The following KHDRBS3 variants were observed in gnomAD, a reference collection of about 807,000 sequenced individuals.
KHDRBS3 encodes KH domain-containing, RNA-binding, signal transduction-associated protein 3.
Under a neutral mutation model 45.6 loss-of-function variants are expected in KHDRBS3, and 23 were observed. The ratio of observed to expected loss-of-function variants is 0.50; its 90% confidence interval spans 0.36 to 0.72. KHDRBS3 has a LOEUF of 0.72. Among genes scored for constraint, KHDRBS3 ranks in the 30% least tolerant of loss-of-function variants. The pLI, the probability that KHDRBS3 is intolerant of heterozygous loss-of-function variation, is 0.00. For synonymous variants in KHDRBS3, 162 were observed against 156.5 expected, an observed-to-expected ratio of 1.04 and a Z score of -0.26; for missense variants, 352 against 424.8, an observed-to-expected ratio of 0.83 and a Z score of 1.51.
At chr8:135,574,662 CACTA>C (rs1475759637) in intron 5 of KHDRBS3, among the ~76,000 whole-genome samples, 1 of 152,186 alleles carries the variant, frequency 6.6e-6, no homozygotes, top group Non-Finnish European at 1.5e-5. Flanking sequence ...TTTAAATATA[CACTA>C]ACTAATGAAA....
intron 8 of KHDRBS3, 152 bp downstream of exon 8, chr8:135,645,269 C>T (rs770609734): frequency 3.2e-6 from 2 of 619,454 alleles, no homozygotes; most frequent in Non-Finnish European, 5.4e-6. Flanking sequence ...ATTTTTAGGG[C>T]TCCTTTATTA....
At chr8:135,581,807 A>G (rs1049771897) in intron 5 of KHDRBS3, 71 bp from the exon 6 acceptor site, 49 of 1,164,632 alleles carry the variant, frequency 4.2e-5, no homozygotes, top group African/African-American at 3.1e-5. Context: ...TTTCTGAGGT[A>G]TAAATATATG....
rs1315070708 is a variant in KHDRBS3, at chr8:135,606,961, G to A, written c.814G>A (p.Asp272Asn). 2.5e-6 allele frequency: 4 copies of A among 1,612,074 alleles called. No homozygotes were observed. Among genetic ancestry groups the A allele is most frequent in the South Asian group, 2.2e-5 (2 of 90,910 alleles). ...TQETYGEYDY[D>N]DGYGTAYDEQ... ...TTCTCCTGTTATGTTTTAGGACTAT[G>A]ATGATGGATATGGCACTGCTTATGA... is the stretch of plus-strand genomic sequence containing the variant. Residue 272 changes from aspartate (D) to asparagine (N), a missense_variant, in exon 7 of 9, where the codon GAT becomes AAT. Physicochemically the swap from Asp to Asn is conservative, Grantham distance 23. This residue lies in a region of KHDRBS3 where 212 missense variants were observed against 209.6 expected (regional missense o/e 1.01). Transcript: ENST00000355849.
chr8:135,520,197 A>G (rs1164663908), intron 1 of KHDRBS3, among the ~76,000 whole-genome samples: 2 of 152,224 alleles, frequency 1.3e-5, no homozygotes, highest in Non-Finnish European at 2.9e-5. Flanking sequence ...AACAAGCAAA[A>G]TGGATAAATA....
chr8:135,601,104 G>C (rs746998420), intron 6 of KHDRBS3, among the ~76,000 whole-genome samples: 2 of 152,200 alleles, frequency 1.3e-5, no homozygotes, highest in African/African-American at 2.4e-5. Context: ...ACATGAACCA[G>C]CTGAGGAAAA....
At chr8:135,652,826 A>T (rs1232511629) in intron 4 of KHDRBS3, among the ~76,000 whole-genome samples, 1 of 152,134 alleles carries the variant, frequency 6.6e-6, no homozygotes, top group Non-Finnish European at 1.5e-5. Context: ...CAGATTGTAA[A>T]TATCTTTAGG....
At chr8:135,515,418 C>T (rs546893018) in intron 1 of KHDRBS3, among the ~76,000 whole-genome samples, 8 of 120,444 alleles carry the variant, frequency 6.6e-5, no homozygotes, top group African/African-American at 2.3e-4. Context: ...CCTGTGTTTG[C>T]TAAAGATGAG....
chr8:135,484,032 A>G (rs551816811), intron 1 of KHDRBS3, among the ~76,000 whole-genome samples: 2 of 152,310 alleles, frequency 1.3e-5, no homozygotes, highest in Non-Finnish European at 2.9e-5. Context: ...TACTAGCTGT[A>G]TGTCCTGGGG....
intron 5 of KHDRBS3, among the ~76,000 whole-genome samples, chr8:135,558,921 G>T (rs971550184): frequency 6.6e-6 from 1 of 152,104 alleles, no homozygotes; most frequent in East Asian, 1.9e-4. Context: ...ATTCCTTTCC[G>T]TGTCTCTTCC....
rs544141746 is a variant in KHDRBS3 at position 135,581,744 on chromosome 8, T to G, written c.612-134T>G. 1.8e-5 allele frequency: 13 copies of G among 722,650 alleles called. No individual in the cohort carries two copies. The South Asian group carries it at 3.1e-4, about 17-fold the overall frequency. The allele number at this position is 722,650 out of a possible 1,614,324, so 44.8% of individuals were successfully genotyped here. On this transcript the variant is annotated intron_variant, in intron 5 of 8. Coordinates refer to ENST00000355849, the MANE Select transcript of KHDRBS3 (RefSeq NM_006558.3). ...ACCTGTTTCATGTTTGCTTTAGTTC[T>G]TTGCTTGTGACTTCCTTCTTCCTTT...
At chr8:135,575,082 C>T (rs1446181991) in intron 5 of KHDRBS3, among the ~76,000 whole-genome samples, 1 of 152,178 alleles carries the variant, frequency 6.6e-6, no homozygotes, top group Non-Finnish European at 1.5e-5. Flanking sequence ...ACTATTTTTA[C>T]TGTACCAATT....
chr8:135,571,262 A>G (rs1827688725), intron 5 of KHDRBS3, among the ~76,000 whole-genome samples: 2 of 152,176 alleles, frequency 1.3e-5, no homozygotes, highest in African/African-American at 2.4e-5. Context: ...CTAATAAGCT[A>G]AGACAGTTTA....
intron 1 of KHDRBS3, among the ~76,000 whole-genome samples, chr8:135,477,424 G>A (rs1822347714): frequency 1.3e-5 from 2 of 152,188 alleles, no homozygotes; most frequent in Non-Finnish European, 2.9e-5. Context: ...TTGGAAAAAT[G>A]TAGAGAAACT....
At chr8:135,591,150 C>T (rs918841379) in intron 6 of KHDRBS3, among the ~76,000 whole-genome samples, 2 of 152,236 alleles carry the variant, frequency 1.3e-5, no homozygotes, top group African/African-American at 2.4e-5. Flanking sequence ...CAAAGTCACA[C>T]AGTCTATTAG....
At position 135,513,977 on chromosome 8, in the gene KHDRBS3, T is replaced by C. The variant is rs1220871771; in HGVS notation, c.89-7260T>C. ...ATGTTAGTGGAATTTATATTTTCATTTGGATTTGGACCTAGAACTGTCTCC... is the reference window on the plus strand; with the variant it reads ...ATGTTAGTGGAATTTATATTTTCATCTGGATTTGGACCTAGAACTGTCTCC... On this transcript the variant is annotated intron_variant, in intron 1 of 8. Coordinates refer to ENST00000355849, the MANE Select transcript of KHDRBS3 (RefSeq NM_006558.3). 1.3e-5 allele frequency among the ~76,000 whole-genome samples: 2 copies of C among 152,208 alleles called. 1 individual carries two copies. The highest frequency in any genetic ancestry group is 2.9e-5 in the Non-Finnish European group (2 of 68,034).
intron 6 of KHDRBS3, among the ~76,000 whole-genome samples, chr8:135,585,964 T>C (rs1828451958): frequency 1.3e-5 from 2 of 152,218 alleles, no homozygotes; most frequent in Non-Finnish European, 2.9e-5. Flanking sequence ...ATAACTTTCC[T>C]AAGTTACTGT....
intron 2 of KHDRBS3, among the ~76,000 whole-genome samples, chr8:135,536,504 T>A (rs1825763992): frequency 6.6e-6 from 1 of 152,120 alleles, no homozygotes; most frequent in Non-Finnish European, 1.5e-5. Flanking sequence ...CGTTGTATTT[T>A]AAGCAGAGGT....
chr8:135,480,091 A>G (rs1225586506), intron 1 of KHDRBS3, among the ~76,000 whole-genome samples: 1 of 151,124 alleles, frequency 6.6e-6, no homozygotes, highest in Non-Finnish European at 1.5e-5. Flanking sequence ...ATAAAGAAAA[A>G]AGCTTTTAAC....
chr8:135,516,511 CTG>C (rs932028726), intron 1 of KHDRBS3, among the ~76,000 whole-genome samples: 4 of 151,786 alleles, frequency 2.6e-5, no homozygotes, highest in Non-Finnish European at 5.9e-5. Context: ...TGATGTAAAA[CTG>C]TATATCAATA....
Sources: allele counts gnomAD v4.1 joint callset (sites outside exome capture counted in the v4.1 genomes callset), GRCh38; gene constraint gnomAD v4.1.1; regional missense constraint gnomAD v4.1.1; transcripts MANE v1.5; gene names NCBI Gene and HGNC (gene_info 2026-07-23, HGNC 2026-07-21).